The following GRIN2B variants were observed in gnomAD, a reference collection of about 807,000 sequenced individuals.
The protein encoded by GRIN2B is glutamate receptor ionotropic, NMDA 2B.
A neutral mutation model predicts 114.5 loss-of-function variants in GRIN2B; 5 were observed. That is an observed-to-expected ratio of 0.04 (90% CI 0.02 to 0.09). GRIN2B has a LOEUF of 0.09. GRIN2B is among the 10% of genes least tolerant of loss of function. The pLI, the probability that GRIN2B is intolerant of heterozygous loss-of-function variation, is 1.00. For missense variants in GRIN2B, 1,108 were observed against 1,943.5 expected, an observed-to-expected ratio of 0.57 and a Z score of 8.08; for synonymous variants, 787 against 745.1, an observed-to-expected ratio of 1.06 and a Z score of -0.92.
In GRIN2B at chr12:13,563,890, G is replaced by A. The variant is rs1304444261; in HGVS notation, c.3348C>T (p.Ser1116=). The change falls in exon 14 of 14, where the codon TCC becomes TCT. Residue 1116 remains serine, a synonymous_variant. Coordinates refer to ENST00000609686, the MANE Select transcript of GRIN2B (RefSeq NM_000834.5). ...CCCTGAAGTAGCGCTTGTGGTCAGG[G>A]GAGCGGGGCGGTCGGCGACGGTAGG... ...ELAYRRRPPR[S]PDHKRYFRDK... is the part of the protein sequence containing the mutation. 4 of 1,614,004 alleles carry A rather than the reference G, an allele frequency of 2.5e-6. No individual in the cohort carries two copies. The highest frequency in any genetic ancestry group is 1.7e-5 in the Admixed American group (1 of 60,002).
At chr12:13,833,756 AT>A (rs1196028317) in intron 3 of GRIN2B, among the ~76,000 whole-genome samples, 1 of 152,182 alleles carries the variant, frequency 6.6e-6, no homozygotes, top group Non-Finnish European at 1.5e-5. Flanking sequence ...AGATGCAGAA[AT>A]GAAGGCCCCA....
At chr12:13,822,647 A>G (rs991714658) in intron 3 of GRIN2B, among the ~76,000 whole-genome samples, 9 of 152,172 alleles carry the variant, frequency 5.9e-5, no homozygotes, top group Admixed American at 3.9e-4. Context: ...AAACACAGTG[A>G]TAAAAAGTTT....
At chr12:13,942,829 G>A (rs1867284851) in intron 2 of GRIN2B, among the ~76,000 whole-genome samples, 1 of 152,156 alleles carries the variant, frequency 6.6e-6, no homozygotes, top group Admixed American at 6.5e-5. Context: ...TGGGTACACA[G>A]CACTATATGG....
intron 5 of GRIN2B, among the ~76,000 whole-genome samples, chr12:13,626,467 C>T (rs1384314625): frequency 6.6e-6 from 1 of 152,082 alleles, no homozygotes; most frequent in Middle Eastern, 3.4e-3. Flanking sequence ...TCTCAAATGA[C>T]AGTTGTGAGG....
chr12:13,658,286 A>G (rs1169900089), intron 5 of GRIN2B, among the ~76,000 whole-genome samples: 1 of 152,140 alleles, frequency 6.6e-6, no homozygotes, highest in Non-Finnish European at 1.5e-5. Flanking sequence ...AAATCAAAAT[A>G]TAAACAAATT....
chr12:13,693,987 T>C (rs577067794), intron 4 of GRIN2B, among the ~76,000 whole-genome samples: 10 of 152,188 alleles, frequency 6.6e-5, no homozygotes, highest in Admixed American at 4.6e-4. Context: ...GTGGAAGGGA[T>C]AGAGGGGAAC....
chr12:13,569,340 A>G (rs1398523075), intron 12 of GRIN2B, among the ~76,000 whole-genome samples: 1 of 152,210 alleles, frequency 6.6e-6, no homozygotes, highest in Non-Finnish European at 1.5e-5. Flanking sequence ...ATCCCAGAGT[A>G]TGGTGAACCC....
chr12:13,914,393 T>A (rs116211074), intron 2 of GRIN2B, among the ~76,000 whole-genome samples: 242 of 152,272 alleles, frequency 1.6e-3, no homozygotes, highest in African/African-American at 5.5e-3. Context: ...CCAGTTAAAA[T>A]GGCTTTTATC....
chr12:13,953,822 C>T (rs999842009), intron 2 of GRIN2B, among the ~76,000 whole-genome samples: 1 of 152,134 alleles, frequency 6.6e-6, no homozygotes, highest in Non-Finnish European at 1.5e-5. Context: ...TTGGCCATGC[C>T]CCATTTAGCT....
chr12:13,610,365 C>A (rs537790772), intron 9 of GRIN2B, among the ~76,000 whole-genome samples: 1 of 152,264 alleles, frequency 6.6e-6, no homozygotes, highest in South Asian at 2.1e-4. Flanking sequence ...TCTGGATTTT[C>A]GGCTCCTGTT....
chr12:13,956,077 C>T (rs1420180012), intron 2 of GRIN2B, among the ~76,000 whole-genome samples: 2 of 152,202 alleles, frequency 1.3e-5, no homozygotes, highest in East Asian at 1.9e-4. Flanking sequence ...GAAGAACTTA[C>T]TTGCAGAACT....
intron 4 of GRIN2B, among the ~76,000 whole-genome samples, chr12:13,690,317 ATG>A (rs60497478): frequency 0.05 from 6,643 of 134,174 alleles, 196 homozygotes; most frequent in Non-Finnish European, 0.076. Context: ...ACACACACAC[ATG>A]CACACGCACA....
At chr12:13,826,335 G>C (rs765855994) in intron 3 of GRIN2B, among the ~76,000 whole-genome samples, 68 of 152,094 alleles carry the variant, frequency 4.5e-4, no homozygotes, top group Non-Finnish European at 6.5e-4. Flanking sequence ...GCCAGGCATG[G>C]TGGTGCATGC....
intron 3 of GRIN2B, among the ~76,000 whole-genome samples, chr12:13,791,012 C>T (rs1420057783): frequency 6.6e-6 from 1 of 152,130 alleles, no homozygotes; most frequent in East Asian, 1.9e-4. Flanking sequence ...ACAGCCTGTG[C>T]TTGGCATCAG....
At chr12:13,796,611 A>G (rs949753027) in intron 3 of GRIN2B, among the ~76,000 whole-genome samples, 3 of 152,256 alleles carry the variant, frequency 2.0e-5, no homozygotes, top group African/African-American at 7.2e-5. Flanking sequence ...ACAATGATCA[A>G]CTCATTTAAA....
intron 3 of GRIN2B, among the ~76,000 whole-genome samples, chr12:13,781,492 C>T (rs989208621): frequency 6.6e-6 from 1 of 152,182 alleles, no homozygotes; most frequent in African/African-American, 2.4e-5. Context: ...CACTGATACA[C>T]TGATAAACTG....
At chr12:13,737,030 C>CAAAAAAAAAAAAA (rs368902113) in intron 4 of GRIN2B, among the ~76,000 whole-genome samples, 1 of 100,630 alleles carries the variant, frequency 9.9e-6, no homozygotes, top group Non-Finnish European at 1.9e-5. Context: ...AACTCCATCT[C>CAAAAAAAAAAAAA]AAAAAAAAAA....
chr12:13,571,453 C>G (rs987488384), intron 11 of GRIN2B, among the ~76,000 whole-genome samples: 1 of 137,444 alleles, frequency 7.3e-6, no homozygotes, highest in African/African-American at 2.6e-5. Context: ...GACACCAGAA[C>G]CATAATTTTC....
intron 2 of GRIN2B, among the ~76,000 whole-genome samples, chr12:13,955,995 G>C (rs1867584018): frequency 6.6e-6 from 1 of 152,218 alleles, no homozygotes; most frequent in African/African-American, 2.4e-5. Flanking sequence ...GAATGCAGGA[G>C]AGAAAAATGC....
Sources: gnomAD v4.1 joint callset for allele counts (sites outside exome capture counted in the v4.1 genomes callset) on GRCh38, gnomAD v4.1.1 for gene constraint, MANE v1.5 for transcripts, NCBI Gene and HGNC (gene_info 2026-07-23, HGNC 2026-07-21) for gene names.